NUP133: variants seen among roughly 807,000 people sequenced by gnomAD.
The protein encoded by NUP133 is nuclear pore complex protein Nup133.
In NUP133, 66 loss-of-function variants were observed where a neutral mutation model predicts 146.2. The ratio of observed to expected loss-of-function variants is 0.45; its 90% CI spans 0.37 to 0.55. The LOEUF (loss-of-function observed/expected upper bound fraction) is 0.55. NUP133 is among the 20% of genes least tolerant of loss of function. The pLI is 0.00. For synonymous variants in NUP133, 521 were observed against 498.8 expected (o/e 1.04, Z -0.59); for missense variants, 1,277 against 1,374.8 (o/e 0.93, Z 1.12).
rs766495177 is a variant in NUP133 at position 229,498,139 on chromosome 1, G to A, written c.816C>T (p.Leu272=). 6.4e-6 allele frequency: 10 copies of A among 1,573,550 alleles called. No individual in the cohort carries two copies. In the East Asian group the frequency reaches 1.4e-4, roughly 22 times the overall value. Reference sequence around the variant, plus strand: ...AATAGTTATTTTATAAACTTACTGTGAGATCACTACTAGGAGATAAAATTC... The same window carrying A: ...AATAGTTATTTTATAAACTTACTGTAAGATCACTACTAGGAGATAAAATTC... ...LFGILSPSSD[L]TLSSVLWDRE... is the part of the protein sequence containing the mutation. The change falls in exon 6 of 26, where the codon CTC becomes CTT. Residue 272 remains leucine (L), a synonymous_variant. Coordinates refer to ENST00000261396, the MANE Select transcript of NUP133 (RefSeq NM_018230.3).
chr1:229,504,540 ACAC>A (rs1192875698), intron 2 of NUP133, among the ~76,000 whole-genome samples: 2 of 152,236 alleles, frequency 1.3e-5, no homozygotes, highest in Non-Finnish European at 2.9e-5. Flanking sequence ...TTCTAAAGGT[ACAC>A]CACGACAATG....
chr1:229,475,873 G>C lies in NUP133; in HGVS notation c.1757-141C>G, dbSNP rs986665836. ...ACCTGTAATCCGAGCACTTTGGGAG[G>C]TCGAGGTGGGCAGATCACGAGGTCA... is the stretch of plus-strand genomic sequence containing the variant. On this transcript the variant is annotated intron_variant, in intron 13 of 25. Coordinates refer to ENST00000261396, the MANE Select transcript of NUP133 (RefSeq NM_018230.3). 8.6e-5 allele frequency: 54 copies of C among 628,082 alleles called. No individual in the cohort carries two copies. The African/African-American group carries it at 9.6e-4, about 11-fold the overall frequency. The allele number at this position is 628,082 out of a possible 1,614,324, so 38.9% of individuals were successfully genotyped here.
At chr1:229,496,768 G>A (rs943487346) in intron 6 of NUP133, among the ~76,000 whole-genome samples, 7 of 152,164 alleles carry the variant, frequency 4.6e-5, no homozygotes, top group Admixed American at 2.0e-4. Context: ...GCTCATTTGA[G>A]CTCAGGAGCT....
chr1:229,466,633 C>A lies in NUP133; in HGVS notation c.2199+1G>T, dbSNP rs1374659812. The A allele has an allele frequency of 1.6e-5, 26 of 1,613,770 alleles. No individual in the cohort carries two copies. In the Admixed American group the frequency reaches 4.3e-4, roughly 27 times the overall value. ...CTGAAGCCTTTACTATATTTTTGTA[C>A]CTTGAGAATATTGTTCACATTGATC... is the stretch of plus-strand genomic sequence containing the variant. On this transcript the variant is annotated splice_donor_variant, in intron 16 of 25. Transcript: ENST00000261396. LOFTEE classifies it high-confidence loss of function.
At position 229,464,614 on chromosome 1, in the gene NUP133, A is replaced by T; in HGVS notation, c.2551+10T>A. ...AAATTTAAAACTCTTGCCAAGTATCATGAACTTACGAAGAGGAGATAAGAG... is the reference window on the plus strand; with the variant it reads ...AAATTTAAAACTCTTGCCAAGTATCTTGAACTTACGAAGAGGAGATAAGAG... On this transcript the variant is annotated intron_variant, in intron 18 of 25. Coordinates refer to ENST00000261396, the MANE Select transcript of NUP133 (RefSeq NM_018230.3). 2.5e-6 allele frequency: 4 copies of T among 1,612,942 alleles called. No individual in the cohort carries two copies. The highest frequency in any genetic ancestry group is 3.4e-6 in the Non-Finnish European group (4 of 1,178,986).
chr1:229,484,054 C>T lies in NUP133; in HGVS notation c.1592G>A (p.Arg531Lys). ...LLKAAFLQYC[R>K]KDLGHAQMVV... The stretch of plus-strand genomic sequence containing the variant: ...CCATAATTTAAAAAACATGTTATAC[C>T]TGCAGTATTGCAGAAAGGCAGCTTT... The change falls in exon 12 of 26, where the codon AGA (arginine) becomes AAA (lysine). Residue 531 changes from arginine to lysine, a missense_variant and splice_region_variant. Transcript: ENST00000261396. The T allele has an allele frequency of 6.3e-7, 1 of 1,597,628 alleles. No individual in the cohort carries two copies.
At chr1:229,496,452 G>A (rs1041944229) in intron 6 of NUP133, among the ~76,000 whole-genome samples, 4 of 152,100 alleles carry the variant, frequency 2.6e-5, no homozygotes, top group African/African-American at 9.7e-5. Flanking sequence ...CTAGCCTGGC[G>A]ACAGAGTGAG....
intron 3 of NUP133, 94 bp downstream of exon 3, chr1:229,501,905 C>T (rs1661809973): frequency 2.3e-6 from 2 of 855,984 alleles, no homozygotes; most frequent in African/African-American, 3.4e-5. Context: ...TTCCTATTGA[C>T]TATCCTCCAA....
chr1:229,498,180 CTT>C lies in NUP133; in HGVS notation c.773_774del (p.Lys258SerfsTer11). On this transcript the variant is annotated frameshift_variant, in exon 6 of 26. Transcript: ENST00000261396. LOFTEE classifies it high-confidence loss of function. Reference protein sequence around the residue: ...GQGMLSGIGRKVSSLFGILSP... With the variant: ...GQGMLSGIGRXVSSLFGILSP... ...GATAAAATTCCAAAAAGAGAAGAAA[CTT>C]TTCGACCAATTCCTGAAAGCATGCC... The C allele has an allele frequency of 6.2e-7, 1 of 1,612,270 alleles. No homozygotes were observed. Among genetic ancestry groups the C allele is most frequent in the Non-Finnish European group, 8.5e-7 (1 of 1,179,440 alleles).
intron 1 of NUP133, 27 bp from the exon 2 acceptor site, chr1:229,506,185 A>G: frequency 7.7e-7 from 1 of 1,292,046 alleles, no homozygotes; most frequent in Non-Finnish European, 1.1e-6. Flanking sequence ...ATATTACCTT[A>G]CTTGTAACTT....
chr1:229,441,999 G>C lies in NUP133; in HGVS notation c.3376C>G (p.Leu1126Val), dbSNP rs1390739684. ...AAGCTTCCAAGCTGATCCGCTTGTA[G>C]CAGGTCTTTCACCTCCGGTAAGTAC... ...SEYLPEVKDL[L>V]QADQLGSLKS... The change falls in exon 26 of 26, where the codon CTA becomes GTA. Residue 1126 changes from leucine to valine, a missense_variant. Coordinates refer to ENST00000261396, the MANE Select transcript of NUP133 (RefSeq NM_018230.3). 1 of 1,589,104 alleles carries C rather than the reference G, an allele frequency of 6.3e-7. No homozygotes were observed. The highest frequency in any genetic ancestry group is 1.2e-5 in the South Asian group (1 of 85,386).
intron 1 of NUP133, among the ~76,000 whole-genome samples, chr1:229,507,115 AAAC>A (rs1244898663): frequency 4.6e-5 from 7 of 152,232 alleles, no homozygotes; most frequent in African/African-American, 1.7e-4. Flanking sequence ...GATTTAAATA[AAAC>A]AACACACAGT....
intron 4 of NUP133, among the ~76,000 whole-genome samples, chr1:229,500,478 A>G (rs149720801): frequency 5.8e-4 from 89 of 152,322 alleles, no homozygotes; most frequent in Non-Finnish European, 1.2e-3. Flanking sequence ...TTCCTACACT[A>G]TGCATTGATA....
At chr1:229,503,918 A>G (rs1661868718) in intron 2 of NUP133, among the ~76,000 whole-genome samples, 1 of 152,222 alleles carries the variant, frequency 6.6e-6, no homozygotes, top group Admixed American at 6.5e-5. Context: ...TGAGTAGTAC[A>G]TTAAAAGGTT....
intron 12 of NUP133, among the ~76,000 whole-genome samples, chr1:229,482,880 T>C: frequency 6.6e-6 from 1 of 152,146 alleles, no homozygotes; most frequent in Non-Finnish European, 1.5e-5. Flanking sequence ...ATCACAGGAA[T>C]AGAGAGCGAG....
chr1:229,507,167 GGAATA>G lies in NUP133; in HGVS notation c.182+896_182+900del, dbSNP rs945345680. On this transcript the variant is annotated intron_variant, in intron 1 of 25. Coordinates refer to ENST00000261396, the MANE Select transcript of NUP133 (RefSeq NM_018230.3). ...TTTTATTCTCCAACTTTTCGCAAAA[GGAATA>G]GAAAACACTGACAAGATCAGCACTT... 5.8e-4 allele frequency among the ~76,000 whole-genome samples: 89 copies of G among 152,162 alleles called. 1 individual carries two copies. The highest frequency in any genetic ancestry group is 2.0e-3 in the African/African-American group (85 of 41,516).
chr1:229,487,877 T>G, intron 9 of NUP133, among the ~76,000 whole-genome samples: 1 of 142,958 alleles, frequency 7.0e-6, no homozygotes, highest in Admixed American at 7.4e-5. Context: ...AGAGTCCCAC[T>G]CTGTTGCCCA....
intron 21 of NUP133, among the ~76,000 whole-genome samples, chr1:229,453,119 G>C (rs992652811): frequency 6.6e-6 from 1 of 152,020 alleles, no homozygotes; most frequent in Non-Finnish European, 1.5e-5. Flanking sequence ...TAAAGAGATG[G>C]GGTCTTGCTA....
intron 22 of NUP133, 101 bp from the exon 23 acceptor site, chr1:229,450,706 T>C (rs1660428491): frequency 3.6e-6 from 2 of 555,344 alleles, no homozygotes; most frequent in Non-Finnish European, 6.2e-6. Flanking sequence ...AAGGAAGTTG[T>C]AGTTTGTTTT....
Sources: allele counts gnomAD v4.1 joint callset (sites outside exome capture counted in the v4.1 genomes callset), GRCh38; gene constraint gnomAD v4.1.1; transcripts MANE v1.5; gene names NCBI Gene and HGNC (gene_info 2026-07-23, HGNC 2026-07-21).